The following GLIS3 variants were observed in gnomAD, a reference collection of about 807,000 sequenced individuals.
GLIS3 encodes the protein zinc finger protein GLIS3.
GLIS3 carries 53 observed loss-of-function variants against 78.6 expected under a neutral mutation model. That is an observed-to-expected ratio of 0.67 (90% CI 0.54 to 0.85). The LOEUF (loss-of-function observed/expected upper bound fraction) is 0.85. GLIS3 is among the 40% of genes least tolerant of loss of function. GLIS3 has a pLI of 0.00. For missense variants in GLIS3, 1,703 were observed against 1,231.1 expected (o/e 1.38, Z -5.74); for synonymous variants, 684 against 509.9 (o/e 1.34, Z -4.60).
the GLIS3 span, among the ~76,000 whole-genome samples, chr9:4,470,533 G>C: frequency 1.1e-4 from 16 of 152,122 alleles, no homozygotes; most frequent in Admixed American, 4.6e-4. Flanking sequence ...ATGCAGAAAA[G>C]GCCTTTGACA....
chr9:3,973,393 T>C (rs1331093757), intron 4 of GLIS3, among the ~76,000 whole-genome samples: 1 of 152,172 alleles, frequency 6.6e-6, no homozygotes, highest in Non-Finnish European at 1.5e-5. Context: ...ATGGTTGGTC[T>C]TCCTGGCATG....
At chr9:4,318,419 A>T (rs1315121186) in intron 2 of GLIS3, among the ~76,000 whole-genome samples, 1 of 152,194 alleles carries the variant, frequency 6.6e-6, no homozygotes, top group Non-Finnish European at 1.5e-5. Context: ...TGATTCCAGG[A>T]CTAGGGCAGG....
chr9:3,893,563 C>G (rs182330750), intron 7 of GLIS3, among the ~76,000 whole-genome samples: 7 of 152,252 alleles, frequency 4.6e-5, no homozygotes, highest in Admixed American at 2.0e-4. Context: ...TAGTGAGAAA[C>G]AGAACTAGAT....
At chr9:4,438,950 C>A in the GLIS3 span, among the ~76,000 whole-genome samples, 4 of 152,194 alleles carry the variant, frequency 2.6e-5, no homozygotes, top group African/African-American at 9.6e-5. Flanking sequence ...TATAATCCTA[C>A]TCTATAAGTC....
At chr9:4,052,911 A>G (rs1324543617) in intron 4 of GLIS3, among the ~76,000 whole-genome samples, 1 of 152,190 alleles carries the variant, frequency 6.6e-6, no homozygotes, top group Non-Finnish European at 1.5e-5. Context: ...GGTGTTCCAC[A>G]GCAGTTACGC....
the GLIS3 span, among the ~76,000 whole-genome samples, chr9:4,354,206 G>C: frequency 1.3e-5 from 2 of 152,112 alleles, no homozygotes; most frequent in Non-Finnish European, 2.9e-5. Flanking sequence ...TTGCAAATCA[G>C]ACAATGGCAG....
At chr9:4,200,477 T>G (rs1235009634) in intron 2 of GLIS3, among the ~76,000 whole-genome samples, 1 of 152,002 alleles carries the variant, frequency 6.6e-6, no homozygotes, top group African/African-American at 2.4e-5. Context: ...AACGCAACAT[T>G]ACAACCAATC....
chr9:3,908,602 T>G (rs914372313), intron 6 of GLIS3, among the ~76,000 whole-genome samples: 2 of 152,170 alleles, frequency 1.3e-5, no homozygotes, highest in African/African-American at 4.8e-5. Context: ...CTATCAAGGT[T>G]TGACAAGGTT....
intron 2 of GLIS3, among the ~76,000 whole-genome samples, chr9:4,262,580 C>T (rs192517496): frequency 3.5e-4 from 54 of 152,170 alleles, no homozygotes; most frequent in African/African-American, 1.1e-3. Context: ...TAAATATTTA[C>T]GTCCTAACAA....
chr9:4,328,212 C>T (rs1295813219), intron 2 of GLIS3, among the ~76,000 whole-genome samples: 2 of 152,296 alleles, frequency 1.3e-5, no homozygotes, highest in South Asian at 2.1e-4. Context: ...CCCTTTGCAG[C>T]TTCAGAGGGC....
chr9:4,482,934 AG>A, the GLIS3 span, among the ~76,000 whole-genome samples: 1 of 150,536 alleles, frequency 6.6e-6, no homozygotes, highest in Non-Finnish European at 1.5e-5. Flanking sequence ...GGAAAAAAAG[AG>A]AGAAGCTAAC....
intron 2 of GLIS3, among the ~76,000 whole-genome samples, chr9:4,241,094 T>C (rs1199095376): frequency 5.9e-5 from 9 of 152,190 alleles, no homozygotes; most frequent in Non-Finnish European, 8.8e-5. Context: ...CAAACCACCT[T>C]TATGATTATG....
intron 2 of GLIS3, among the ~76,000 whole-genome samples, chr9:4,262,700 T>C (rs1825639482): frequency 6.6e-6 from 1 of 152,178 alleles, no homozygotes; most frequent in African/African-American, 2.4e-5. Flanking sequence ...TGCTGGGCAC[T>C]ATGCAGCTTT....
In GLIS3 at chr9:4,117,883, T is replaced by C; in HGVS notation, c.1595A>G (p.Glu532Gly). 6.2e-7 allele frequency: 1 copy of C among 1,614,012 alleles called. No homozygotes were observed. The highest frequency in any genetic ancestry group is 8.5e-7 in the Non-Finnish European group (1 of 1,179,986). Residue 532 changes from glutamate (E) to glycine (G), a missense_variant, in exon 4 of 11, where the codon GAG (glutamate) becomes GGG (glycine). Transcript: ENST00000381971. ...ACCGGCCCAGAAGCAAGTGAAGTCC[T>C]CCCCTTTGCGCTGGTCGATGTGGAC... ...EKVHIDQRKG[E>G]DFTCFWAGCP...
At chr9:4,265,123 G>C (rs549567198) in intron 2 of GLIS3, among the ~76,000 whole-genome samples, 1 of 143,866 alleles carries the variant, frequency 7.0e-6, no homozygotes, top group South Asian at 2.2e-4. Flanking sequence ...AGTGAGCCGA[G>C]ATCACGCCAC....
intron 2 of GLIS3, among the ~76,000 whole-genome samples, chr9:4,159,498 C>G (rs1835305514): frequency 6.6e-6 from 1 of 152,156 alleles, no homozygotes; most frequent in Admixed American, 6.6e-5. Context: ...GCAGGTGGAT[C>G]ACTTGAGGTG....
At chr9:4,257,102 TACC>T (rs1199479872) in intron 2 of GLIS3, among the ~76,000 whole-genome samples, 6 of 152,218 alleles carry the variant, frequency 3.9e-5, no homozygotes, top group Admixed American at 2.6e-4. Context: ...TATGTATGTA[TACC>T]ACAACTTCTT....
intron 4 of GLIS3, among the ~76,000 whole-genome samples, chr9:3,951,304 T>C (rs1816660371): frequency 6.6e-6 from 1 of 152,038 alleles, no homozygotes; most frequent in African/African-American, 2.4e-5. Flanking sequence ...CTTAAGAACA[T>C]ACTGTATTAG....
intron 3 of GLIS3, 140 bp downstream of exon 3, chr9:4,125,594 C>T (rs1010084632): frequency 2.7e-6 from 2 of 736,974 alleles, no homozygotes; most frequent in Admixed American, 2.0e-5. Flanking sequence ...CCCCTACAAA[C>T]CTCAAATTGA....
Sources: gnomAD v4.1 joint callset for allele counts (sites outside exome capture counted in the v4.1 genomes callset) on GRCh38, gnomAD v4.1.1 for gene constraint, MANE v1.5 for transcripts, NCBI Gene and HGNC (gene_info 2026-07-23, HGNC 2026-07-21) for gene names.